The following SMG6 variants were observed in gnomAD, a reference collection of about 807,000 sequenced individuals.
SMG6 encodes telomerase-binding protein EST1A.
In SMG6, 66 loss-of-function variants were observed where a neutral mutation model predicts 142.2. That is an observed-to-expected ratio of 0.46 (90% CI 0.38 to 0.57). The LOEUF is 0.57. Ranked by LOEUF, SMG6 falls within the 20% of genes least tolerant of loss-of-function variation. The probability of loss-of-function intolerance (pLI) is 0.00; values close to 1 mark genes in which losing one functional copy is unlikely to be tolerated. For synonymous variants in SMG6, 779 were observed against 702.4 expected (o/e 1.11, Z -1.72); for missense variants, 1,793 against 1,832.0 (o/e 0.98, Z 0.39).
chr17:2,159,644 A>C (rs2071113662), intron 13 of SMG6, among the ~76,000 whole-genome samples: 1 of 152,246 alleles, frequency 6.6e-6, no homozygotes, highest in African/African-American at 2.4e-5. Context: ...TATATACTTA[A>C]ATGACTAAGC....
At chr17:2,109,818 G>A (rs1179176902) in intron 13 of SMG6, among the ~76,000 whole-genome samples, 2 of 152,056 alleles carry the variant, frequency 1.3e-5, no homozygotes, top group East Asian at 1.9e-4. Context: ...AAGGGCAGAC[G>A]CAGTGGCTCA....
At position 2,061,528 on chromosome 17, in the gene SMG6, G is replaced by T. The variant is rs761092700; in HGVS notation, c.4224C>A (p.Asp1408Glu). 1 of 1,574,950 alleles carries T rather than the reference G, an allele frequency of 6.3e-7. No individual in the cohort carries two copies. Among genetic ancestry groups the T allele is most frequent in the Non-Finnish European group, 8.6e-7 (1 of 1,160,148 alleles). Residue 1408 changes from aspartate (D) to glutamate (E), a missense_variant, in exon 19 of 19, where the codon GAC becomes GAA. Transcript: ENST00000263073. The stretch of plus-strand genomic sequence containing the variant: ...GGGCCCACGTGAGGAAGGCTGGGAT[G>T]TCCCGTACAGGAACATTCCTTGTGA... ...KALTRNVPVR[D>E]IPAFLTWAQV...
chr17:2,138,097 G>A (rs2070362803), intron 13 of SMG6, among the ~76,000 whole-genome samples: 3 of 151,906 alleles, frequency 2.0e-5, no homozygotes, highest in Admixed American at 6.6e-5. Context: ...CCTGGAAAAT[G>A]CCTTTGGTGT....
In SMG6 at chr17:2,217,171, C is replaced by A. The variant is rs1161288639; in HGVS notation, c.2869+19321G>T. 2.6e-5 allele frequency among the ~76,000 whole-genome samples: 4 copies of A among 152,018 alleles called. No individual in the cohort carries two copies. The East Asian group carries it at 7.7e-4, about 29-fold the overall frequency. Reference sequence around the variant, plus strand: ...AGCAAGTAAACAATCAGAATTAGAACCTAGTTTTATCTAATTTCAAATATT... The same window carrying A: ...AGCAAGTAAACAATCAGAATTAGAAACTAGTTTTATCTAATTTCAAATATT... On this transcript the variant is annotated intron_variant, in intron 10 of 18. Coordinates refer to ENST00000263073, the MANE Select transcript of SMG6 (RefSeq NM_017575.5).
chr17:2,125,129 G>T (rs903171503), intron 13 of SMG6, among the ~76,000 whole-genome samples: 5 of 152,102 alleles, frequency 3.3e-5, no homozygotes, highest in African/African-American at 1.2e-4. Flanking sequence ...CTAATTTTTT[G>T]GAAAACAAGA....
At chr17:2,224,065 T>C (rs2073250311) in intron 10 of SMG6, among the ~76,000 whole-genome samples, 1 of 152,142 alleles carries the variant, frequency 6.6e-6, no homozygotes, top group Non-Finnish European at 1.5e-5. Context: ...AAAAAGAGTA[T>C]GTTAAACATC....
intron 10 of SMG6, among the ~76,000 whole-genome samples, chr17:2,224,338 T>C (rs956351299): frequency 6.6e-6 from 1 of 152,182 alleles, no homozygotes; most frequent in Admixed American, 6.5e-5. Context: ...CCATGTTGAA[T>C]ATATTTTAGA....
At chr17:2,266,814 G>C (rs2074431962) in intron 8 of SMG6, among the ~76,000 whole-genome samples, 1 of 152,178 alleles carries the variant, frequency 6.6e-6, no homozygotes, top group South Asian at 2.1e-4. Context: ...CAACCACAAA[G>C]ACATTAGCCT....
intron 13 of SMG6, chr17:2,127,605 TA>T: frequency 3.4e-6 from 2 of 582,860 alleles, no homozygotes; most frequent in Non-Finnish European, 6.8e-6. Flanking sequence ...GCAATGTCAC[TA>T]TTTCTGTTCT....
chr17:2,185,281 T>C (rs1445997988), intron 12 of SMG6, among the ~76,000 whole-genome samples: 4 of 151,424 alleles, frequency 2.6e-5, no homozygotes, highest in East Asian at 1.9e-4. Context: ...ACACAGAACT[T>C]TGCGCTCAGA....
intron 16 of SMG6, among the ~76,000 whole-genome samples, chr17:2,067,713 C>T (rs1398158575): frequency 6.6e-6 from 1 of 152,148 alleles, no homozygotes. Context: ...AGGGCTGCTT[C>T]GGTGCCAACA....
At chr17:2,126,097 C>G (rs1369807081) in intron 13 of SMG6, among the ~76,000 whole-genome samples, 1 of 152,056 alleles carries the variant, frequency 6.6e-6, no homozygotes, top group Non-Finnish European at 1.5e-5. Flanking sequence ...CGGTGTGGTA[C>G]TGGCATAGAA....
At chr17:2,073,486 G>A (rs1270798788) in intron 15 of SMG6, among the ~76,000 whole-genome samples, 3 of 151,770 alleles carry the variant, frequency 2.0e-5, no homozygotes, top group Non-Finnish European at 4.4e-5. Context: ...CAAGGCGGGT[G>A]GATCATGAGG....
chr17:2,241,187 G>C (rs1414058416), intron 9 of SMG6, among the ~76,000 whole-genome samples: 2 of 152,084 alleles, frequency 1.3e-5, no homozygotes, highest in African/African-American at 4.8e-5. Flanking sequence ...TTACCTTTTT[G>C]ACAACAGAAT....
At chr17:2,086,403 A>G (rs897785135) in intron 13 of SMG6, among the ~76,000 whole-genome samples, 2 of 152,054 alleles carry the variant, frequency 1.3e-5, no homozygotes, top group Non-Finnish European at 2.9e-5. Context: ...TGGCTGTTTC[A>G]TTTCAACCAG....
rs2071547138 is a variant in SMG6 at position 2,172,849 on chromosome 17, C to A, written c.3166G>T (p.Asp1056Tyr). The change falls in exon 13 of 19, where the codon GAT (aspartate) becomes TAT (tyrosine). Residue 1056 changes from aspartate (D) to tyrosine (Y), a missense_variant. Physicochemically the swap from Asp to Tyr is radical, Grantham distance 160. Transcript: ENST00000263073. The stretch of plus-strand genomic sequence containing the variant: ...AAATCAGCCAGCGTCGACCATACAT[C>A]CACAGCAACACTGTGAGAAATAAGG... ...SLDLPSHVAVDVWSTLADFCN... is the reference protein window; with the variant it reads ...SLDLPSHVAVYVWSTLADFCN... The A allele has an allele frequency of 6.2e-7, 1 of 1,613,974 alleles. No individual in the cohort carries two copies. The highest frequency in any genetic ancestry group is 2.2e-5 in the East Asian group (1 of 44,892).
chr17:2,273,517 C>G (rs1009025613), intron 8 of SMG6, among the ~76,000 whole-genome samples: 1 of 152,212 alleles, frequency 6.6e-6, no homozygotes, highest in African/African-American at 2.4e-5. Context: ...CCTGTAGTCC[C>G]AGCTACACGG....
chr17:2,171,358 T>A (rs1307212407), intron 13 of SMG6, among the ~76,000 whole-genome samples: 2 of 51,654 alleles, frequency 3.9e-5, no homozygotes, highest in Middle Eastern at 8.6e-3. Flanking sequence ...AATGAAAGAG[T>A]GTGTGTGTGT....
intron 13 of SMG6, 100 bp downstream of exon 13, chr17:2,172,558 T>G (rs2071537279): frequency 7.9e-7 from 1 of 1,263,224 alleles, no homozygotes; most frequent in Non-Finnish European, 1.1e-6. Context: ...CTCAATGACT[T>G]AATCATGTTC....
Sources: gnomAD v4.1 joint callset for allele counts (sites outside exome capture counted in the v4.1 genomes callset) on GRCh38, gnomAD v4.1.1 for gene constraint, MANE v1.5 for transcripts, NCBI Gene and HGNC (gene_info 2026-07-23, HGNC 2026-07-21) for gene names.